The following CYRIA variants were observed in gnomAD, a reference collection of about 807,000 sequenced individuals.
CYRIA encodes the protein CYFIP related Rac1 interactor A.
A neutral mutation model predicts 43.9 loss-of-function variants in CYRIA; 15 were observed. The ratio of observed to expected loss-of-function variants is 0.34; its 90% confidence interval spans 0.23 to 0.53. The LOEUF (loss-of-function observed/expected upper bound fraction) is 0.53, where lower values mean the gene tolerates loss of function less well. Ranked by LOEUF, CYRIA falls within the 20% of genes least tolerant of loss-of-function variation. The pLI, the probability that CYRIA is intolerant of heterozygous loss-of-function variation, is 0.94. For missense variants in CYRIA, 236 were observed against 394.2 expected, an observed-to-expected ratio of 0.60 and a Z score of 3.40; for synonymous variants, 117 against 136.0, an observed-to-expected ratio of 0.86 and a Z score of 0.97.
chr2:16,638,653 G>T (rs1164534694), intron 1 of CYRIA, among the ~76,000 whole-genome samples: 1 of 152,194 alleles, frequency 6.6e-6, no homozygotes, highest in Non-Finnish European at 1.5e-5. Context: ...CAGGGGCTGG[G>T]CGGACCACAG....
At chr2:16,624,862 T>C (rs1379559868) in intron 1 of CYRIA, among the ~76,000 whole-genome samples, 1 of 152,188 alleles carries the variant, frequency 6.6e-6, no homozygotes, top group African/African-American at 2.4e-5. Context: ...AAAATCCCAG[T>C]GAGATACCAT....
intron 3 of CYRIA, among the ~76,000 whole-genome samples, chr2:16,579,318 C>T (rs1225657753): frequency 6.6e-6 from 1 of 151,780 alleles, no homozygotes; most frequent in African/African-American, 2.4e-5. Context: ...GATAAAATGA[C>T]ACCAGAGAGA....
In CYRIA at chr2:16,650,457, T is replaced by A. The variant is rs953813438; in HGVS notation, c.-167+15323A>T. On this transcript the variant is annotated intron_variant, in intron 1 of 11. Transcript: ENST00000381323. This position sits in a 1 kb window ranked among gnomAD's most constrained non-coding sequence, Gnocchi z 4.1. ...ACACTAGCAAATCATAAAGGTTTCATTGGTCTCTGGGCCAGTTCCTGATAT... is the reference window on the plus strand; with the variant it reads ...ACACTAGCAAATCATAAAGGTTTCAATGGTCTCTGGGCCAGTTCCTGATAT... 3.9e-5 allele frequency among the ~76,000 whole-genome samples: 6 copies of A among 152,248 alleles called. No individual in the cohort carries two copies. The highest frequency in any genetic ancestry group is 7.2e-5 in the African/African-American group (3 of 41,456).
chr2:16,636,029 A>T (rs1015018883), intron 1 of CYRIA, among the ~76,000 whole-genome samples: 1 of 152,090 alleles, frequency 6.6e-6, no homozygotes, highest in African/African-American at 2.4e-5. Context: ...GGCTGGCACC[A>T]CTCAGACATG....
chr2:16,624,200 G>A (rs1669090223), intron 1 of CYRIA, among the ~76,000 whole-genome samples, 181 bp from the exon 2 acceptor site: 1 of 152,218 alleles, frequency 6.6e-6, no homozygotes, highest in Non-Finnish European at 1.5e-5. Context: ...GAGGCTCACA[G>A]AAGAAAGCAG....
intron 2 of CYRIA, among the ~76,000 whole-genome samples, chr2:16,617,988 T>C (rs1668862637): frequency 6.6e-6 from 1 of 152,168 alleles, no homozygotes; most frequent in South Asian, 2.1e-4. Flanking sequence ...TTTCTCCCTC[T>C]CTCCCTCTTT....
At chr2:16,581,221 G>A (rs1344908437) in intron 3 of CYRIA, among the ~76,000 whole-genome samples, 1 of 152,054 alleles carries the variant, frequency 6.6e-6, no homozygotes, top group East Asian at 1.9e-4. Flanking sequence ...TGTATACAAA[G>A]TACAATAAAG....
intron 9 of CYRIA, chr2:16,560,686 A>G: frequency 2.4e-6 from 1 of 409,278 alleles, no homozygotes. Context: ...CCATCATTTA[A>G]CACACCCTCC....
rs915336631 is a variant in CYRIA at position 16,551,736 on chromosome 2, A to G, written c.*1200T>C. The G allele has an allele frequency of 6.6e-6, 1 of 152,168 alleles. No homozygotes were observed. Among genetic ancestry groups the G allele is most frequent in the African/African-American group, 2.4e-5 (1 of 41,454 alleles). The allele number at this position is 152,168 out of a possible 1,614,324, so 9.4% of individuals were successfully genotyped here. A position where few individuals can be genotyped will look rare whatever the true frequency, so the allele number is the denominator to read the frequency against. On this transcript the variant is annotated 3_prime_UTR_variant, in exon 12 of 12. Transcript: ENST00000381323. ...CGGAGTCAGTCATTTTATCGGCATT[A>G]ACCTTACAGGGCTCTTGAAGATTGT...
chr2:16,603,310 G>T (rs985593667), intron 2 of CYRIA, among the ~76,000 whole-genome samples: 4 of 152,134 alleles, frequency 2.6e-5, no homozygotes, highest in Admixed American at 1.3e-4. Context: ...GGTGCTTTAT[G>T]TATTGCCATA....
intron 5 of CYRIA, among the ~76,000 whole-genome samples, chr2:16,563,607 A>C (rs2103415003): frequency 6.6e-6 from 1 of 152,290 alleles, no homozygotes; most frequent in East Asian, 1.9e-4. Flanking sequence ...ATTTTACTCT[A>C]TTAAATTTAT....
chr2:16,600,060 T>A (rs77070615), intron 2 of CYRIA, among the ~76,000 whole-genome samples: 11,833 of 152,264 alleles, frequency 0.078, 598 homozygotes, highest in Middle Eastern at 0.16. Flanking sequence ...CTGGCCAGAT[T>A]TTACTTTTTA....
At chr2:16,653,962 T>C (rs1293151685) in intron 1 of CYRIA, among the ~76,000 whole-genome samples, 1 of 152,106 alleles carries the variant, frequency 6.6e-6, no homozygotes, top group African/African-American at 2.4e-5. Flanking sequence ...ACTGAGCCAG[T>C]AGTGGGGCAG....
chr2:16,634,477 C>T (rs1669432493), intron 1 of CYRIA, among the ~76,000 whole-genome samples: 1 of 152,234 alleles, frequency 6.6e-6, no homozygotes, highest in Admixed American at 6.5e-5. Flanking sequence ...TTCATTTCTG[C>T]TCTAAGACCA....
At chr2:16,624,256 A>G (rs1305552457) in intron 1 of CYRIA, among the ~76,000 whole-genome samples, 2 of 152,232 alleles carry the variant, frequency 1.3e-5, no homozygotes, top group African/African-American at 4.8e-5. Context: ...CCACATTGGA[A>G]CATGTCTCTG....
chr2:16,581,158 G>A (rs1158259451), intron 3 of CYRIA, among the ~76,000 whole-genome samples: 1 of 152,048 alleles, frequency 6.6e-6, no homozygotes, highest in Admixed American at 6.6e-5. Context: ...AAGAAAATAA[G>A]TAGGTAAGCC....
chr2:16,589,430 A>G (rs539758602), intron 2 of CYRIA, among the ~76,000 whole-genome samples: 2 of 152,202 alleles, frequency 1.3e-5, no homozygotes, highest in East Asian at 3.9e-4. Flanking sequence ...ATTTGCAGAC[A>G]TACTCCCCGA....
At chr2:16,626,628 C>T (rs1291687066) in intron 1 of CYRIA, among the ~76,000 whole-genome samples, 1 of 152,222 alleles carries the variant, frequency 6.6e-6, no homozygotes, top group African/African-American at 2.4e-5. Flanking sequence ...GAAGCAATTG[C>T]TGATGGTTTA....
chr2:16,559,645 G>GC (rs1666656268), intron 9 of CYRIA, 59 bp from the exon 10 acceptor site: 2 of 1,579,206 alleles, frequency 1.3e-6, no homozygotes, highest in East Asian at 4.5e-5. Flanking sequence ...GCGTTCTTTG[G>GC]CCCCACAACT....
Sources: gnomAD v4.1 joint callset for allele counts (sites outside exome capture counted in the v4.1 genomes callset) on GRCh38, gnomAD v4.1.1 for gene constraint, Gnocchi (gnomAD v3.1) non-coding constraint, MANE v1.5 for transcripts, NCBI Gene and HGNC (gene_info 2026-07-23, HGNC 2026-07-21) for gene names.